Variants in CCDC191 observed in about 807,000 individuals in gnomAD.
CCDC191 encodes the protein coiled-coil domain-containing protein 191.
In CCDC191, 99 loss-of-function variants were observed where a neutral mutation model predicts 114.0. The observed-to-expected ratio is 0.87, with a 90% CI of 0.74 to 1.03. CCDC191 has a LOEUF of 1.03. Ranked by LOEUF, CCDC191 falls within the 50% of genes least tolerant of loss-of-function variation. CCDC191 has a pLI of 0.00. For synonymous variants in CCDC191, 351 were observed against 376.0 expected (o/e 0.93, Z 0.77); for missense variants, 973 against 1,087.0 (o/e 0.90, Z 1.47).
rs180828335 is a variant in CCDC191 at position 114,032,757 on chromosome 3, G to T, written c.819-978C>A. Among the ~76,000 whole-genome samples, 33 of 152,266 alleles carry T rather than the reference G, an allele frequency of 2.2e-4. 1 individual carries two copies. In the East Asian group the frequency reaches 5.8e-3, roughly 27 times the overall value. ...TCACTTGCTTAAGGTGGCTTCTCCA[G>T]TATAGAGTTATTATTTTTCCCTTTG... is the stretch of plus-strand genomic sequence containing the variant. On this transcript the variant is annotated intron_variant, in intron 6 of 16. Transcript: ENST00000295878.
At chr3:114,002,685 T>C in intron 11 of CCDC191, 147 bp from the exon 12 acceptor site, 2 of 1,284,778 alleles carry the variant, frequency 1.6e-6, no homozygotes, top group African/African-American at 1.5e-5. Flanking sequence ...TCAGAAAATA[T>C]ATAGAGATAA....
At chr3:114,034,528 C>T (rs983170877) in intron 6 of CCDC191, among the ~76,000 whole-genome samples, 5 of 152,080 alleles carry the variant, frequency 3.3e-5, no homozygotes, top group African/African-American at 1.2e-4. Flanking sequence ...TGAAAAAACT[C>T]TATGCTTAAA....
At chr3:113,981,804 C>T (rs1486147320) in intron 13 of CCDC191, among the ~76,000 whole-genome samples, 1 of 152,124 alleles carries the variant, frequency 6.6e-6, no homozygotes. Context: ...CTGCCTATTT[C>T]TGTGAAAGCT....
At position 114,053,240 on chromosome 3, in the gene CCDC191, A is replaced by T. The variant is rs1354190853; in HGVS notation, c.129+357T>A. 2.0e-5 allele frequency among the ~76,000 whole-genome samples: 3 copies of T among 152,228 alleles called. No individual in the cohort carries two copies. In the East Asian group the frequency reaches 5.8e-4, roughly 29 times the overall value. On this transcript the variant is annotated intron_variant, in intron 2 of 16. Transcript: ENST00000295878. The stretch of plus-strand genomic sequence containing the variant: ...GATGCACACGTAGTTTTCACCCATT[A>T]GTCCCTAGGTCATTGTAACTACAGT...
chr3:113,982,853 AAAAC>A (rs2075210254), intron 13 of CCDC191, among the ~76,000 whole-genome samples: 1 of 110,892 alleles, frequency 9.0e-6, no homozygotes, highest in Non-Finnish European at 1.9e-5. Flanking sequence ...TCAAAACAAA[AAAAC>A]AAAAAAAAAA....
intron 8 of CCDC191, among the ~76,000 whole-genome samples, chr3:114,012,895 A>G: frequency 6.6e-6 from 1 of 152,184 alleles, no homozygotes; most frequent in East Asian, 1.9e-4. Context: ...GAAAATGAGT[A>G]AAAAAATGCA....
At chr3:113,993,741 T>C (rs1402743932) in intron 13 of CCDC191, among the ~76,000 whole-genome samples, 2 of 151,900 alleles carry the variant, frequency 1.3e-5, no homozygotes, top group Non-Finnish European at 2.9e-5. Context: ...AAAAATTAGC[T>C]GGGCATGGTG....
chr3:114,049,479 A>G (rs2076673518), intron 2 of CCDC191, among the ~76,000 whole-genome samples: 1 of 152,224 alleles, frequency 6.6e-6, no homozygotes, highest in Admixed American at 6.5e-5. Context: ...CAACAAAAAC[A>G]GATTCGTAGA....
At chr3:113,972,912 G>T (rs942491184) in intron 16 of CCDC191, among the ~76,000 whole-genome samples, 3 of 152,152 alleles carry the variant, frequency 2.0e-5, no homozygotes, top group South Asian at 4.1e-4. Context: ...TGCTTGGAAT[G>T]TCTTTTTCTA....
At chr3:113,980,545 G>T in intron 14 of CCDC191, 105 bp downstream of exon 14, 1 of 1,038,612 alleles carries the variant, frequency 9.6e-7, no homozygotes, top group Non-Finnish European at 1.4e-6. Context: ...TTATCTTTCT[G>T]GCTTTAAATC....
At chr3:114,009,631 G>A (rs1355561832) in intron 9 of CCDC191, among the ~76,000 whole-genome samples, 2 of 152,098 alleles carry the variant, frequency 1.3e-5, no homozygotes, top group African/African-American at 4.8e-5. Flanking sequence ...TTGCTATGTG[G>A]TGCACAAGTG....
intron 13 of CCDC191, among the ~76,000 whole-genome samples, chr3:113,982,951 C>T (rs2075220479): frequency 6.6e-6 from 1 of 152,008 alleles, no homozygotes; most frequent in Non-Finnish European, 1.5e-5. Flanking sequence ...AGCTCCACAT[C>T]TATCTCTGAT....
intron 3 of CCDC191, 132 bp downstream of exon 3, chr3:114,046,459 T>C: frequency 4.5e-6 from 3 of 667,936 alleles, no homozygotes; most frequent in Non-Finnish European, 8.0e-6. Context: ...CAGAGTAAAA[T>C]AGTTTCAGGG....
At chr3:113,990,261 CA>C (rs546605544) in intron 13 of CCDC191, among the ~76,000 whole-genome samples, 208 of 152,074 alleles carry the variant, frequency 1.4e-3, no homozygotes, top group African/African-American at 4.8e-3. Flanking sequence ...GAGAAGACAT[CA>C]ATACTGATCT....
intron 13 of CCDC191, among the ~76,000 whole-genome samples, chr3:113,982,765 T>G (rs779142063): frequency 6.6e-6 from 1 of 151,674 alleles, no homozygotes; most frequent in Non-Finnish European, 1.5e-5. Flanking sequence ...TATACTCTGC[T>G]CTTCTGCATC....
intron 11 of CCDC191, chr3:114,003,878 C>T (rs2075898536): frequency 1.0e-6 from 1 of 985,278 alleles, no homozygotes; most frequent in South Asian, 4.7e-5. Context: ...CACATGCAAA[C>T]ATAAGTACAG....
intron 8 of CCDC191, among the ~76,000 whole-genome samples, chr3:114,014,921 C>T (rs2076134022): frequency 1.3e-5 from 2 of 151,772 alleles, no homozygotes; most frequent in Admixed American, 1.3e-4. Flanking sequence ...TATTTTTGTT[C>T]CCCCATCCTA....
At chr3:114,035,294 G>T (rs2076467789) in intron 5 of CCDC191, 146 bp from the exon 6 acceptor site, 5 of 620,578 alleles carry the variant, frequency 8.1e-6, no homozygotes, top group South Asian at 2.0e-5. Context: ...AGGAAAGGAG[G>T]AATTCATCTG....
chr3:114,014,806 A>G (rs1182372551), intron 8 of CCDC191, among the ~76,000 whole-genome samples: 2 of 152,154 alleles, frequency 1.3e-5, no homozygotes, highest in African/African-American at 2.4e-5. Flanking sequence ...GTCACTCCTA[A>G]GTATTTATCT....
Sources: gnomAD v4.1 joint callset for allele counts (sites outside exome capture counted in the v4.1 genomes callset) on GRCh38, gnomAD v4.1.1 for gene constraint, MANE v1.5 for transcripts, NCBI Gene and HGNC (gene_info 2026-07-23, HGNC 2026-07-21) for gene names.